GBF1: variants seen among roughly 807,000 people sequenced by gnomAD.
GBF1 encodes the protein Golgi-specific brefeldin A-resistance guanine nucleotide exchange factor 1.
A neutral mutation model predicts 210.5 loss-of-function variants in GBF1; 114 were observed. The ratio of observed to expected loss-of-function variants is 0.54; its 90% CI spans 0.47 to 0.63. GBF1 has a LOEUF of 0.63. Among genes scored for constraint, GBF1 ranks in the 30% least tolerant of loss-of-function variants. The pLI, the probability that GBF1 is intolerant of heterozygous loss-of-function variation, is 0.00. For synonymous variants in GBF1, 850 were observed against 889.2 expected (o/e 0.96, Z 0.78); for missense variants, 1,851 against 2,357.7 (o/e 0.79, Z 4.45).
At chr10:102,301,226 A>G (rs1365041920) in intron 3 of GBF1, among the ~76,000 whole-genome samples, 2 of 151,882 alleles carry the variant, frequency 1.3e-5, no homozygotes, top group African/African-American at 4.8e-5. Flanking sequence ...AACAAAGCAC[A>G]TCTTGCACCA....
rs768464998 is a variant in GBF1, at chr10:102,376,422, G to A, written c.4037G>A (p.Gly1346Asp). 1.9e-6 allele frequency: 3 copies of A among 1,614,194 alleles called. No homozygotes were observed. Among genetic ancestry groups the A allele is most frequent in the Non-Finnish European group, 1.7e-6 (2 of 1,180,022 alleles). The change falls in exon 31 of 40, where the codon GGT becomes GAT. Residue 1346 changes from glycine (G) to aspartate (D), a missense_variant. Physicochemically the swap from Gly to Asp is moderately conservative, Grantham distance 94 (BLOSUM62 -1). Transcript: ENST00000369983. ...SATDADVVNS[G>D]WLVVGKDDVD... ...ACAGATGCCGATGTGGTCAACAGTG[G>A]TTGGTTAGTGGTGAGTGACAATATG...
the GBF1 span, among the ~76,000 whole-genome samples, chr10:102,234,229 C>T: frequency 6.6e-6 from 1 of 152,138 alleles, no homozygotes; most frequent in Non-Finnish European, 1.5e-5. Flanking sequence ...TGGTAATGCC[C>T]CCTTCAACAG....
intron 3 of GBF1, among the ~76,000 whole-genome samples, chr10:102,287,344 C>CTTTTTTTTTTTTTTTTTTTT (rs763880492): frequency 3.9e-4 from 27 of 69,518 alleles, no homozygotes; most frequent in African/African-American, 8.1e-4. Flanking sequence ...ATTTTATTTT[C>CTTTTTTTTTTTTTTTTTTTT]TTTTTTTTTT....
At chr10:102,287,218 A>G (rs2076022593) in intron 3 of GBF1, among the ~76,000 whole-genome samples, 1 of 152,106 alleles carries the variant, frequency 6.6e-6, no homozygotes, top group South Asian at 2.1e-4. Flanking sequence ...TTGCTGGGTA[A>G]CAAATTACCC....
chr10:102,235,923 C>G, the GBF1 span, among the ~76,000 whole-genome samples: 1 of 152,194 alleles, frequency 6.6e-6, no homozygotes, highest in Non-Finnish European at 1.5e-5. Context: ...CTGGGAGCCA[C>G]TTTGGGGACA....
chr10:102,336,193 C>T (rs1007235482), intron 3 of GBF1, among the ~76,000 whole-genome samples: 1 of 150,632 alleles, frequency 6.6e-6, no homozygotes, highest in Non-Finnish European at 1.5e-5. Flanking sequence ...CCCAGCTACT[C>T]GGGAGGCTGA....
At chr10:102,300,288 G>C (rs1035271521) in intron 3 of GBF1, among the ~76,000 whole-genome samples, 2 of 152,214 alleles carry the variant, frequency 1.3e-5, no homozygotes, top group Admixed American at 1.3e-4. Context: ...ATACTTGGAA[G>C]ATGGTAGCTG....
chr10:102,290,042 T>C (rs1157442913), intron 3 of GBF1, among the ~76,000 whole-genome samples: 2 of 151,934 alleles, frequency 1.3e-5, no homozygotes, highest in Non-Finnish European at 2.9e-5. Context: ...GCCCAGGAGG[T>C]CAAGACTTCA....
chr10:102,253,627 C>T (rs1389282681), intron 1 of GBF1, among the ~76,000 whole-genome samples: 1 of 152,164 alleles, frequency 6.6e-6, no homozygotes, highest in Non-Finnish European at 1.5e-5. Flanking sequence ...GATCCTCCCA[C>T]TTCAGCCTCT....
At chr10:102,267,441 T>A (rs2073972055) in intron 3 of GBF1, among the ~76,000 whole-genome samples, 1 of 152,014 alleles carries the variant, frequency 6.6e-6, no homozygotes, top group East Asian at 1.9e-4. Flanking sequence ...GGAGGTGAGA[T>A]TGCAGTGAGC....
intron 14 of GBF1, 25 bp from the exon 15 acceptor site, chr10:102,362,450 T>C: frequency 2.6e-6 from 4 of 1,513,656 alleles, no homozygotes; most frequent in Non-Finnish European, 3.7e-6. Flanking sequence ...TAACTACAAG[T>C]CCAATTGATC....
At chr10:102,377,238 T>C (rs888408166) in intron 33 of GBF1, 98 bp downstream of exon 33, 6 of 905,534 alleles carry the variant, frequency 6.6e-6, no homozygotes, top group Admixed American at 4.1e-5. Context: ...AGGGCCCATG[T>C]GTGCCAGCCC....
At chr10:102,249,602 T>C (rs1337758861) in intron 1 of GBF1, among the ~76,000 whole-genome samples, 1 of 152,166 alleles carries the variant, frequency 6.6e-6, no homozygotes, top group Non-Finnish European at 1.5e-5. Flanking sequence ...TTAGTAACTT[T>C]GGTTATTCTC....
chr10:102,291,171 CTTTGTTTG>C (rs79994004), intron 3 of GBF1, among the ~76,000 whole-genome samples: 41 of 151,722 alleles, frequency 2.7e-4, no homozygotes, highest in South Asian at 6.2e-4. Context: ...CTATTCACTG[CTTTGTTTG>C]TTTGTTTGTT....
chr10:102,357,654 G>A (rs1009087289), intron 8 of GBF1, among the ~76,000 whole-genome samples: 2 of 152,100 alleles, frequency 1.3e-5, no homozygotes, highest in African/African-American at 4.8e-5. Flanking sequence ...CTGTAGAACT[G>A]AGTGTCAGGG....
At chr10:102,368,878 C>A in intron 23 of GBF1, 46 bp downstream of exon 23, 2 of 1,318,630 alleles carry the variant, frequency 1.5e-6, no homozygotes, top group Non-Finnish European at 2.2e-6. Flanking sequence ...AAAGGAGGAC[C>A]TCTCTTTTAG....
rs74155237 is a variant in GBF1, at chr10:102,259,095, G to T, written c.96+61G>T. On this transcript the variant is annotated intron_variant, in intron 2 of 39. Coordinates refer to ENST00000369983, the MANE Select transcript of GBF1 (RefSeq NM_001377137.1). ...GTTTTTATAGGGGATCTGTTGGCAT[G>T]GTTAAAAGAGTAATCAAATTCCTAG... is the stretch of plus-strand genomic sequence containing the variant. The T allele has an allele frequency of 5.1e-5, 43 of 836,060 alleles. No individual in the cohort carries two copies. The African/African-American group carries it at 6.5e-4, about 13-fold the overall frequency. The allele number at this position is 836,060 out of a possible 1,614,324, so 51.8% of individuals were successfully genotyped here. A position where few individuals can be genotyped will look rare whatever the true frequency, so the allele number is the denominator to read the frequency against.
At chr10:102,260,170 AT>A in intron 3 of GBF1, 54 bp downstream of exon 3, 1 of 968,002 alleles carries the variant, frequency 1.0e-6, no homozygotes, top group Non-Finnish European at 1.7e-6. Flanking sequence ...TATGTGTTTG[AT>A]TTATTGAAAG....
At chr10:102,321,188 A>G (rs1290037764) in intron 3 of GBF1, among the ~76,000 whole-genome samples, 1 of 152,232 alleles carries the variant, frequency 6.6e-6, no homozygotes, top group African/African-American at 2.4e-5. Flanking sequence ...AGTCACAATT[A>G]TAATTAGTTA....
Sources: gnomAD v4.1 joint callset for allele counts (sites outside exome capture counted in the v4.1 genomes callset) on GRCh38, gnomAD v4.1.1 for gene constraint, MANE v1.5 for transcripts, NCBI Gene and HGNC (gene_info 2026-07-23, HGNC 2026-07-21) for gene names.